Variants in GRID1 observed in about 807,000 individuals in gnomAD.
GRID1 encodes the protein glutamate ionotropic receptor delta type subunit 1.
GRID1 carries 28 observed loss-of-function variants against 98.0 expected under a neutral mutation model. The observed-to-expected ratio is 0.29, with a 90% confidence interval of 0.21 to 0.39. GRID1 has a LOEUF of 0.39. Among genes scored for constraint, GRID1 ranks in the 10% least tolerant of loss-of-function variants. GRID1 has a pLI of 1.00. For synonymous variants in GRID1, 553 were observed against 538.5 expected, an observed-to-expected ratio of 1.03 and a Z score of -0.37; for missense variants, 1,111 against 1,340.5, an observed-to-expected ratio of 0.83 and a Z score of 2.67.
chr10:86,269,765 GC>G (rs1331789861), intron 2 of GRID1, among the ~76,000 whole-genome samples: 2 of 152,162 alleles, frequency 1.3e-5, no homozygotes, highest in Non-Finnish European at 2.9e-5. Flanking sequence ...CATCCTGTTT[GC>G]TTTTTTGCTT....
intron 2 of GRID1, among the ~76,000 whole-genome samples, chr10:86,235,960 A>T (rs1231394143): frequency 2.0e-5 from 3 of 152,214 alleles, no homozygotes; most frequent in Non-Finnish European, 4.4e-5. Flanking sequence ...TATCTTTTTA[A>T]TAAGCTGTCA....
chr10:85,694,520 A>G lies in GRID1; in HGVS notation c.1997+28483T>C, dbSNP rs569417232. The stretch of plus-strand genomic sequence containing the variant: ...ATGAAATCAACTTAAATGTCCATCA[A>G]CTGGTAACTAGATAAAGAAAATGTG... On this transcript the variant is annotated intron_variant, in intron 12 of 15. Transcript: ENST00000327946. Among the ~76,000 whole-genome samples, 8 of 143,504 alleles carry G rather than the reference A, an allele frequency of 5.6e-5. No homozygotes were observed. The South Asian group carries it at 1.4e-3, about 25-fold the overall frequency. The allele number at this position is 143,504 out of a possible 152,430, so 94.1% of individuals were successfully genotyped here.
At chr10:86,271,697 G>A (rs1381616235) in intron 2 of GRID1, among the ~76,000 whole-genome samples, 2 of 151,970 alleles carry the variant, frequency 1.3e-5, no homozygotes, top group Non-Finnish European at 2.9e-5. Context: ...TTAAATACAT[G>A]GAAAAAGAAA....
chr10:86,359,894 T>G (rs1039670617), intron 2 of GRID1, among the ~76,000 whole-genome samples: 27 of 152,272 alleles, frequency 1.8e-4, no homozygotes, highest in African/African-American at 6.5e-4. Context: ...CTTTGCCAGC[T>G]AAATCTAAGA....
At chr10:85,699,120 TCAG>T (rs1242654440) in intron 12 of GRID1, among the ~76,000 whole-genome samples, 1 of 152,132 alleles carries the variant, frequency 6.6e-6, no homozygotes, top group Non-Finnish European at 1.5e-5. Context: ...TGCTGTGATC[TCAG>T]CTCACTGCAA....
At chr10:85,837,827 C>A (rs1171204431) in intron 8 of GRID1, among the ~76,000 whole-genome samples, 1 of 152,084 alleles carries the variant, frequency 6.6e-6, no homozygotes, top group East Asian at 1.9e-4. Flanking sequence ...ACTGAAATGA[C>A]AGAAATAGAA....
intron 13 of GRID1, chr10:85,646,981 C>T: frequency 1.7e-6 from 1 of 578,210 alleles, no homozygotes. Context: ...AATCTGCCTG[C>T]TCCTCCCCAG....
chr10:85,670,002 A>C (rs1203092404), intron 12 of GRID1, among the ~76,000 whole-genome samples: 1 of 152,228 alleles, frequency 6.6e-6, no homozygotes, highest in African/African-American at 2.4e-5. Flanking sequence ...TTCTTTAAAA[A>C]TGTGGTACAA....
intron 8 of GRID1, among the ~76,000 whole-genome samples, chr10:85,751,848 T>G (rs895988785): frequency 2.6e-5 from 4 of 152,206 alleles, no homozygotes; most frequent in African/African-American, 9.6e-5. Flanking sequence ...GATGTGCTTT[T>G]ATAATGAGCA....
intron 13 of GRID1, among the ~76,000 whole-genome samples, chr10:85,623,429 T>A (rs1842878541): frequency 6.6e-6 from 1 of 152,208 alleles, no homozygotes; most frequent in Non-Finnish European, 1.5e-5. Context: ...TAAGCTTTGC[T>A]TCCTCCTTGT....
At chr10:86,128,168 T>C (rs993780679) in intron 4 of GRID1, among the ~76,000 whole-genome samples, 6 of 118,270 alleles carry the variant, frequency 5.1e-5, no homozygotes, top group Admixed American at 1.6e-4. Context: ...AAGCCTCAGG[T>C]TTCCTCTGTG....
intron 2 of GRID1, among the ~76,000 whole-genome samples, chr10:86,315,895 C>T (rs1290659678): frequency 6.6e-6 from 1 of 152,142 alleles, no homozygotes; most frequent in Non-Finnish European, 1.5e-5. Flanking sequence ...CCCACCCACC[C>T]AGGCAGCTAT....
chr10:86,202,246 C>T (rs935713325), intron 3 of GRID1, among the ~76,000 whole-genome samples: 2 of 152,230 alleles, frequency 1.3e-5, no homozygotes, highest in African/African-American at 4.8e-5. Flanking sequence ...AGTTACTCCA[C>T]CCATCTGTGT....
intron 4 of GRID1, among the ~76,000 whole-genome samples, chr10:85,946,025 A>G (rs1432730776): frequency 1.3e-5 from 2 of 152,242 alleles, no homozygotes; most frequent in Non-Finnish European, 2.9e-5. Context: ...TTAGAAGAGT[A>G]TCTGCCAGGT....
chr10:86,098,825 C>T (rs961023369), intron 4 of GRID1, among the ~76,000 whole-genome samples: 2 of 152,194 alleles, frequency 1.3e-5, no homozygotes, highest in Non-Finnish European at 2.9e-5. Context: ...GTTCTTTGCA[C>T]GTTTACCTAC....
chr10:86,229,411 G>A (rs1044834904), intron 2 of GRID1, among the ~76,000 whole-genome samples: 1 of 152,162 alleles, frequency 6.6e-6, no homozygotes, highest in Admixed American at 6.5e-5. Context: ...TGTGACCTTG[G>A]GCAAGACACC....
At chr10:85,752,204 C>T (rs1396153876) in intron 8 of GRID1, among the ~76,000 whole-genome samples, 1 of 152,130 alleles carries the variant, frequency 6.6e-6, no homozygotes. Context: ...AAACACATCC[C>T]AGAGCTGGCC....
chr10:86,091,315 C>T lies in GRID1; in HGVS notation c.726+47504G>A, dbSNP rs572216817. Reference sequence around the variant, plus strand: ...GTGGCGGGCACCGTGAGAGTGAGACCAGCCCTTCAGTTTGCGTGGGAGTTG... The same window carrying T: ...GTGGCGGGCACCGTGAGAGTGAGACTAGCCCTTCAGTTTGCGTGGGAGTTG... On this transcript the variant is annotated intron_variant, in intron 4 of 15. Coordinates refer to ENST00000327946, the MANE Select transcript of GRID1 (RefSeq NM_017551.3). Among the ~76,000 whole-genome samples, 4 of 152,106 alleles carry T rather than the reference C, an allele frequency of 2.6e-5. No individual in the cohort carries two copies. In the South Asian group the frequency reaches 6.2e-4, roughly 24 times the overall value.
intron 4 of GRID1, among the ~76,000 whole-genome samples, chr10:85,917,828 C>G (rs1337427657): frequency 1.3e-5 from 2 of 152,226 alleles, no homozygotes; most frequent in Non-Finnish European, 2.9e-5. Flanking sequence ...ACTCAGTTAA[C>G]CGGGCTCTCT....
Sources: allele counts gnomAD v4.1 joint callset (sites outside exome capture counted in the v4.1 genomes callset), GRCh38; gene constraint gnomAD v4.1.1; transcripts MANE v1.5; gene names NCBI Gene and HGNC (gene_info 2026-07-23, HGNC 2026-07-21).